NRF1: variants seen among roughly 807,000 people sequenced by gnomAD.
NRF1 encodes the protein alpha palindromic-binding protein.
A neutral mutation model predicts 58.5 loss-of-function variants in NRF1; 5 were observed. The observed-to-expected ratio is 0.09, with a 90% CI of 0.04 to 0.18. NRF1 has a LOEUF of 0.18. Ranked by LOEUF, NRF1 falls within the 10% of genes least tolerant of loss-of-function variation. The pLI is 1.00. For missense variants in NRF1, 288 were observed against 657.7 expected, an observed-to-expected ratio of 0.44 and a Z score of 6.15; for synonymous variants, 224 against 246.7, an observed-to-expected ratio of 0.91 and a Z score of 0.86.
At chr7:129,686,524 G>A (rs1389921302) in intron 4 of NRF1, among the ~76,000 whole-genome samples, 3 of 152,120 alleles carry the variant, frequency 2.0e-5, no homozygotes, top group African/African-American at 7.2e-5. Context: ...AATATGATTT[G>A]GAGAAAGTTA....
At chr7:129,661,269 G>A (rs1157423625) in intron 2 of NRF1, among the ~76,000 whole-genome samples, 2 of 151,308 alleles carry the variant, frequency 1.3e-5, no homozygotes, top group African/African-American at 4.9e-5. Context: ...ACATGCCCTG[G>A]AGACATTTTT....
Position 129,671,521 on chromosome 7 carries a change from A to C in NRF1, c.316A>C (p.Arg106=), listed in dbSNP as rs947140161. ...TGAGTCTAATCCATCTATCCGGAAG[A>C]GGCAACAAACACGTTTGCTTCGGTG... ...VFESNPSIRK[R]QQTRLLRKLR... Residue 106 remains arginine, a synonymous_variant, in exon 3 of 11, where the codon AGG becomes CGG. Transcript: ENST00000393232. The C allele has an allele frequency of 9.9e-6, 16 of 1,610,004 alleles. No homozygotes were observed. Among genetic ancestry groups the C allele is most frequent in the Non-Finnish European group, 1.3e-5 (15 of 1,176,234 alleles).
chr7:129,709,698 G>A (rs1029282054), intron 6 of NRF1, among the ~76,000 whole-genome samples: 3 of 147,258 alleles, frequency 2.0e-5, no homozygotes, highest in Non-Finnish European at 3.0e-5. Flanking sequence ...CTTTTTTTGC[G>A]TATTTATTTT....
In NRF1 at chr7:129,635,377, T is replaced by C. The variant is rs907091810; in HGVS notation, c.-6-21969T>C. Among the ~76,000 whole-genome samples the C allele has an allele frequency of 3.3e-5, 5 of 152,308 alleles. No individual in the cohort carries two copies. In the East Asian group the frequency reaches 5.8e-4, roughly 18 times the overall value. On this transcript the variant is annotated intron_variant, in intron 1 of 10. Transcript: ENST00000393232. ...AGCTTCTACTGTTACAGTTTTTGTT[T>C]GTTTGTTTGTTTTTTAAGCACACCA...
At position 129,625,928 on chromosome 7, in the gene NRF1, C is replaced by T. The variant is rs1410849791; in HGVS notation, c.-7+14104C>T. Among the ~76,000 whole-genome samples the T allele has an allele frequency of 7.2e-5, 11 of 152,158 alleles. No homozygotes were observed. The South Asian group carries it at 1.2e-3, about 17-fold the overall frequency. ...TGATTTTCCGACCTTGTGATCCACC[C>T]GCCTTGGCCTCCCAAAGTGCTGGGA... On this transcript the variant is annotated intron_variant, in intron 1 of 10. Coordinates refer to ENST00000393232, the MANE Select transcript of NRF1 (RefSeq NM_005011.5).
intron 10 of NRF1, among the ~76,000 whole-genome samples, chr7:129,728,995 A>G (rs1405236361): frequency 1.3e-5 from 2 of 152,106 alleles, no homozygotes; most frequent in Non-Finnish European, 2.9e-5. Context: ...ACCTTTTTCT[A>G]TTCCTCATCA....
intron 1 of NRF1, among the ~76,000 whole-genome samples, chr7:129,635,762 AC>A (rs2151064507): frequency 6.6e-6 from 1 of 152,206 alleles, no homozygotes; most frequent in South Asian, 2.1e-4. Flanking sequence ...TTGCAAGAGG[AC>A]ATCTAGTGAT....
intron 1 of NRF1, among the ~76,000 whole-genome samples, chr7:129,619,100 T>C (rs1234889919): frequency 2.0e-5 from 3 of 152,020 alleles, no homozygotes; most frequent in South Asian, 4.1e-4. Flanking sequence ...AAGGGCAACC[T>C]TGAAGAGCAT....
In NRF1 at chr7:129,756,752, T is replaced by A. The variant is rs1305948893; in HGVS notation, c.*1571T>A. On this transcript the variant is annotated 3_prime_UTR_variant, in exon 11 of 11. Transcript: ENST00000393232. Reference sequence around the variant, plus strand: ...CTTTGAGAGAAGTTTCAGATTCTTGTATTTGCTTGTTTTATATAAAACTAT... The same window carrying A: ...CTTTGAGAGAAGTTTCAGATTCTTGAATTTGCTTGTTTTATATAAAACTAT... 6.5e-6 allele frequency: 1 copy of A among 152,688 alleles called. No homozygotes were observed. Among genetic ancestry groups the A allele is most frequent in the African/African-American group, 2.4e-5 (1 of 41,466 alleles). The allele number at this position is 152,688 out of a possible 1,614,324, so 9.5% of individuals were successfully genotyped here. A position where few individuals can be genotyped will look rare whatever the true frequency, so the allele number is the denominator to read the frequency against.
intron 10 of NRF1, among the ~76,000 whole-genome samples, chr7:129,728,737 A>G (rs1476951553): frequency 1.3e-5 from 2 of 152,254 alleles, no homozygotes; most frequent in Non-Finnish European, 2.9e-5. Context: ...GGAAATGCAA[A>G]GAGCCATCGT....
At chr7:129,616,785 A>C (rs937995656) in intron 1 of NRF1, among the ~76,000 whole-genome samples, 2 of 152,196 alleles carry the variant, frequency 1.3e-5, no homozygotes, top group African/African-American at 4.8e-5. Flanking sequence ...TCCAACTGCT[A>C]CTGAACCATC....
intron 10 of NRF1, chr7:129,744,116 C>G: frequency 6.8e-7 from 1 of 1,470,756 alleles, no homozygotes; most frequent in Non-Finnish European, 9.1e-7. Flanking sequence ...GCTGGTGGCC[C>G]ATCTTGCCCG....
intron 1 of NRF1, among the ~76,000 whole-genome samples, chr7:129,623,380 GTTT>G (rs5887435): frequency 1.6e-4 from 23 of 147,360 alleles, no homozygotes; most frequent in East Asian, 5.9e-4. Context: ...AAAAATACCT[GTTT>G]TTTTTTTTTT....
At chr7:129,645,248 T>C (rs1366529323) in intron 1 of NRF1, among the ~76,000 whole-genome samples, 5 of 152,198 alleles carry the variant, frequency 3.3e-5, no homozygotes, top group African/African-American at 9.7e-5. Context: ...ATTTGACAGA[T>C]GTTACAACTA....
chr7:129,622,130 G>A (rs1434765141), intron 1 of NRF1, among the ~76,000 whole-genome samples: 1 of 151,886 alleles, frequency 6.6e-6, no homozygotes. Flanking sequence ...CCCCATTAGT[G>A]GTTGTCTTTG....
At chr7:129,636,880 C>T (rs556326011) in intron 1 of NRF1, among the ~76,000 whole-genome samples, 1 of 152,238 alleles carries the variant, frequency 6.6e-6, no homozygotes, top group East Asian at 1.9e-4. Flanking sequence ...CATTATGTTT[C>T]TTTGTCTTTT....
intron 8 of NRF1, among the ~76,000 whole-genome samples, chr7:129,715,227 C>T (rs552935867): frequency 2.0e-5 from 3 of 152,258 alleles, no homozygotes; most frequent in East Asian, 1.9e-4. Context: ...CATTTTTTAC[C>T]GTCCTGACTG....
At chr7:129,736,891 C>T (rs977178988) in intron 10 of NRF1, among the ~76,000 whole-genome samples, 3 of 152,288 alleles carry the variant, frequency 2.0e-5, no homozygotes, top group African/African-American at 7.2e-5. Context: ...AAAGCTGAAC[C>T]TCTAACAAGC....
chr7:129,751,623 GA>G (rs1422031644), intron 10 of NRF1, among the ~76,000 whole-genome samples: 3 of 152,202 alleles, frequency 2.0e-5, no homozygotes, highest in Non-Finnish European at 4.4e-5. Flanking sequence ...CAGTTAGTTA[GA>G]AAAGATCTCC....
Sources: gnomAD v4.1 joint callset for allele counts (sites outside exome capture counted in the v4.1 genomes callset) on GRCh38, gnomAD v4.1.1 for gene constraint, MANE v1.5 for transcripts, NCBI Gene and HGNC (gene_info 2026-07-23, HGNC 2026-07-21) for gene names.